Variants in PCNX2 observed in about 807,000 individuals in gnomAD.
PCNX2 encodes the protein pecanex 2, also known as pecanex-like protein 2.
Under a neutral mutation model 223.8 loss-of-function variants are expected in PCNX2, and 168 were observed. The observed-to-expected ratio is 0.75, with a 90% confidence interval of 0.66 to 0.85. PCNX2 has a LOEUF of 0.85. PCNX2 is among the 40% of genes least tolerant of loss of function. The pLI, the probability that PCNX2 is intolerant of heterozygous loss-of-function variation, is 0.00. For synonymous variants in PCNX2, 1,006 were observed against 1,052.6 expected (o/e 0.96, Z 0.86); for missense variants, 2,507 against 2,675.5 (o/e 0.94, Z 1.39).
At chr1:233,323,012 G>A in the PCNX2 span, among the ~76,000 whole-genome samples, 2 of 152,076 alleles carry the variant, frequency 1.3e-5, no homozygotes, top group African/African-American at 4.8e-5. Context: ...TATCCACCTA[G>A]TTGCCCAAGC....
At chr1:233,316,336 A>G in the PCNX2 span, among the ~76,000 whole-genome samples, 1 of 152,232 alleles carries the variant, frequency 6.6e-6, no homozygotes, top group African/African-American at 2.4e-5. Flanking sequence ...TTAACTTATT[A>G]CTGTTACCGT....
At chr1:233,290,107 T>C (rs1214120669) in intron 1 of PCNX2, among the ~76,000 whole-genome samples, 1 of 132,706 alleles carries the variant, frequency 7.5e-6, no homozygotes, top group Non-Finnish European at 1.5e-5. Context: ...AACCTGAATA[T>C]CCAATTGGAC....
At chr1:233,316,653 G>A in the PCNX2 span, among the ~76,000 whole-genome samples, 16 of 152,234 alleles carry the variant, frequency 1.1e-4, no homozygotes, top group African/African-American at 3.6e-4. Context: ...CTCCCTTGTA[G>A]TATTTGTTCA....
chr1:233,294,094 G>A lies in PCNX2; in HGVS notation c.153+1232C>T, dbSNP rs12039674. 5.3e-3 allele frequency: 3,428 copies of A among 641,738 alleles called. 29 individuals are homozygous for A. In the East Asian group the frequency reaches 0.07, roughly 13 times the overall value. The allele number at this position is 641,738 out of a possible 1,614,324, so 39.8% of individuals were successfully genotyped here. A position where few individuals can be genotyped will look rare whatever the true frequency, so the allele number is the denominator to read the frequency against. ...AGTGGTGATTGTGATGATCACATCC[G>A]TTTTAATGATATGAATGCTAAGTTT... is the stretch of plus-strand genomic sequence containing the variant. On this transcript the variant is annotated intron_variant, in intron 1 of 33. Transcript: ENST00000258229.
chr1:233,062,754 G>A (rs1672450830), intron 23 of PCNX2, among the ~76,000 whole-genome samples: 1 of 152,112 alleles, frequency 6.6e-6, no homozygotes, highest in Non-Finnish European at 1.5e-5. Context: ...TATGCTAATT[G>A]TATTGTTTCT....
Position 232,990,216 on chromosome 1 carries a change from C to T in PCNX2, c.5792-3676G>A, listed in dbSNP as rs181661612. ...GGTAGGTGGTTTCCGCAAAGTGTCC[C>T]GGGCAGGGCCAGGCAGAGCCGCCCC... On this transcript the variant is annotated intron_variant, in intron 32 of 33. Transcript: ENST00000258229. The surrounding 1 kb of genome is among the most constrained non-coding windows in gnomAD (Gnocchi z 4.3). 1.3e-5 allele frequency among the ~76,000 whole-genome samples: 2 copies of T among 152,330 alleles called. No homozygotes were observed. The highest frequency in any genetic ancestry group is 3.9e-4 in the East Asian group (2 of 5,188).
At chr1:233,104,007 T>A (rs1490587738) in intron 21 of PCNX2, among the ~76,000 whole-genome samples, 1 of 152,106 alleles carries the variant, frequency 6.6e-6, no homozygotes, top group Admixed American at 6.5e-5. Flanking sequence ...GGGGACCACA[T>A]ATTGCAAATC....
chr1:233,203,156 T>C (rs996953715), intron 13 of PCNX2, among the ~76,000 whole-genome samples: 1 of 152,202 alleles, frequency 6.6e-6, no homozygotes, highest in Non-Finnish European at 1.5e-5. Flanking sequence ...CCCAGTTCCA[T>C]TACCCAGTTT....
intron 19 of PCNX2, among the ~76,000 whole-genome samples, chr1:233,153,724 C>A (rs537733436): frequency 1.6e-3 from 248 of 152,198 alleles, no homozygotes; most frequent in African/African-American, 5.8e-3. Flanking sequence ...AGAAGAGATA[C>A]CTTAAAGAGC....
chr1:233,102,770 G>C (rs1465748963), intron 21 of PCNX2, among the ~76,000 whole-genome samples: 3 of 151,948 alleles, frequency 2.0e-5, no homozygotes, highest in Non-Finnish European at 4.4e-5. Flanking sequence ...TTAATCCCTT[G>C]TGAGTTGAAT....
chr1:233,077,241 A>G (rs1673134016), intron 23 of PCNX2, among the ~76,000 whole-genome samples: 1 of 152,234 alleles, frequency 6.6e-6, no homozygotes, highest in South Asian at 2.1e-4. Context: ...GGGAAGGAAT[A>G]GTATTTTTCA....
intron 9 of PCNX2, chr1:233,231,711 T>C: frequency 1.0e-6 from 1 of 970,962 alleles, no homozygotes. Context: ...GTGTAACTCC[T>C]AACAGCTATC....
chr1:233,089,896 G>T, intron 23 of PCNX2, 165 bp downstream of exon 23: 1 of 1,412,108 alleles, frequency 7.1e-7, no homozygotes, highest in Non-Finnish European at 9.2e-7. Context: ...TGAGACCCAA[G>T]AGCTGAGTCA....
intron 13 of PCNX2, among the ~76,000 whole-genome samples, chr1:233,206,776 T>C (rs1383853283): frequency 6.6e-6 from 1 of 152,066 alleles, no homozygotes; most frequent in African/African-American, 2.4e-5. Flanking sequence ...TCCCAGCACT[T>C]TGGGAGGCTG....
chr1:233,112,798 C>T (rs1675189114), intron 21 of PCNX2: 1 of 1,214,850 alleles, frequency 8.2e-7, no homozygotes, highest in South Asian at 1.5e-5. Flanking sequence ...TTAAGTCTTA[C>T]ATGCTAGGCT....
At chr1:233,275,754 G>A (rs921633040) in intron 1 of PCNX2, among the ~76,000 whole-genome samples, 3 of 151,702 alleles carry the variant, frequency 2.0e-5, no homozygotes, top group African/African-American at 7.3e-5. Context: ...GGGTGAGGCT[G>A]GGCTCAGTGG....
rs182028170 is a variant in PCNX2 at position 233,027,260 on chromosome 1, C to T, written c.4352-1861G>A. 7.9e-5 allele frequency among the ~76,000 whole-genome samples: 12 copies of T among 151,838 alleles called. No homozygotes were observed. In the East Asian group the frequency reaches 1.7e-3, roughly 22 times the overall value. On this transcript the variant is annotated intron_variant, in intron 25 of 33. Coordinates refer to ENST00000258229, the MANE Select transcript of PCNX2 (RefSeq NM_014801.4). ...GAGGTGTATGTTGATCTTTGCAAGA[C>T]GGGTTGTGGTGGAATGGTGGGGGAG...
chr1:233,068,016 C>T (rs145029226), intron 23 of PCNX2, among the ~76,000 whole-genome samples: 36 of 152,230 alleles, frequency 2.4e-4, no homozygotes, highest in African/African-American at 7.7e-4. Flanking sequence ...CACCAAAACA[C>T]ATTATAGTCA....
chr1:233,288,163 A>G (rs1241875618), intron 1 of PCNX2, among the ~76,000 whole-genome samples: 1 of 152,232 alleles, frequency 6.6e-6, no homozygotes, highest in African/African-American at 2.4e-5. Context: ...CATTTAGGAG[A>G]CCAAATGATT....
Sources: gnomAD v4.1 joint callset for allele counts (sites outside exome capture counted in the v4.1 genomes callset) on GRCh38, gnomAD v4.1.1 for gene constraint, Gnocchi (gnomAD v3.1) non-coding constraint, MANE v1.5 for transcripts, NCBI Gene and HGNC (gene_info 2026-07-23, HGNC 2026-07-21) for gene names.